Variants in ADAMTSL3 observed in about 807,000 individuals in gnomAD.
The protein encoded by ADAMTSL3 is ADAMTS like 3, also known as ADAMTS-like protein 3.
Under a neutral mutation model 201.7 loss-of-function variants are expected in ADAMTSL3, and 128 were observed. That is an observed-to-expected ratio of 0.63 (90% CI 0.55 to 0.73). The LOEUF (loss-of-function observed/expected upper bound fraction) is 0.73, where lower values mean the gene tolerates loss of function less well. Ranked by LOEUF, ADAMTSL3 falls within the 30% of genes least tolerant of loss-of-function variation. ADAMTSL3 has a pLI of 0.00. For missense variants in ADAMTSL3, 1,990 were observed against 2,119.6 expected (o/e 0.94, Z 1.20); for synonymous variants, 738 against 748.4 (o/e 0.99, Z 0.23).
At chr15:83,747,965 G>A (rs2062574965) in intron 3 of ADAMTSL3, among the ~76,000 whole-genome samples, 1 of 151,626 alleles carries the variant, frequency 6.6e-6, no homozygotes, top group African/African-American at 2.4e-5. Flanking sequence ...GTGTCTGCTT[G>A]GCGTCTCCTG....
intron 4 of ADAMTSL3, among the ~76,000 whole-genome samples, chr15:83,777,993 G>C (rs537041432): frequency 6.6e-6 from 1 of 152,272 alleles, no homozygotes; most frequent in Admixed American, 6.5e-5. Flanking sequence ...ATTAATAGCA[G>C]AATAGACCAA....
chr15:83,942,965 G>A lies in ADAMTSL3; in HGVS notation c.2373G>A (p.Thr791=), dbSNP rs773737016. The A allele has an allele frequency of 6.3e-5, 101 of 1,613,894 alleles. 1 individual carries two copies. Among genetic ancestry groups the A allele is most frequent in the Middle Eastern group, 1.6e-4 (1 of 6,078 alleles). ...GAGTCACCTGTCGGCAGCTGCTAAC[G>A]GATGGCAGCTTTTTGAATCTCTCAG... ...NRRVTCRQLL[T]DGSFLNLSDE... The change falls in exon 19 of 30, where the codon ACG becomes ACA. Residue 791 remains threonine, a synonymous_variant. Coordinates refer to ENST00000286744, the MANE Select transcript of ADAMTSL3 (RefSeq NM_207517.3).
At chr15:83,828,785 A>G (rs1271215406) in intron 6 of ADAMTSL3, among the ~76,000 whole-genome samples, 12 of 152,150 alleles carry the variant, frequency 7.9e-5, no homozygotes, top group Non-Finnish European at 1.8e-4. Flanking sequence ...TGAGATAATC[A>G]TATGGTTTTT....
At chr15:83,966,730 A>G (rs181142256) in intron 19 of ADAMTSL3, among the ~76,000 whole-genome samples, 1 of 152,336 alleles carries the variant, frequency 6.6e-6, no homozygotes, top group Admixed American at 6.5e-5. Context: ...CAACAAAAAA[A>G]AAGAAAATTT....
intron 2 of ADAMTSL3, among the ~76,000 whole-genome samples, chr15:83,692,420 T>G (rs541001692): frequency 6.6e-6 from 1 of 152,148 alleles, no homozygotes; most frequent in South Asian, 2.1e-4. Context: ...GCACGGTGGC[T>G]CACACCTATA....
At position 83,752,360 on chromosome 15, in the gene ADAMTSL3, A is replaced by T. The variant is rs562250886; in HGVS notation, c.190-21163A>T. On this transcript the variant is annotated intron_variant, in intron 3 of 29. Transcript: ENST00000286744. ...GATTTTGAAAGTTTGAATTCTATTTAAAAAAATCCCATACTGGATATTACT... is the reference window on the plus strand; with the variant it reads ...GATTTTGAAAGTTTGAATTCTATTTTAAAAAATCCCATACTGGATATTACT... 1.1e-4 allele frequency among the ~76,000 whole-genome samples: 17 copies of T among 150,008 alleles called. No homozygotes were observed. In the South Asian group the frequency reaches 1.7e-3, roughly 15 times the overall value.
intron 16 of ADAMTSL3, among the ~76,000 whole-genome samples, chr15:83,922,615 A>G (rs971836482): frequency 3.3e-5 from 5 of 152,240 alleles, no homozygotes; most frequent in African/African-American, 1.2e-4. Flanking sequence ...ACGTTAGCCA[A>G]TGTTTATTTT....
chr15:83,725,849 T>G (rs2062166922), intron 3 of ADAMTSL3, among the ~76,000 whole-genome samples: 1 of 152,164 alleles, frequency 6.6e-6, no homozygotes, highest in Admixed American at 6.6e-5. Flanking sequence ...TTTCTTATTT[T>G]TGGTCAGGAT....
intron 2 of ADAMTSL3, among the ~76,000 whole-genome samples, chr15:83,681,695 C>G (rs2061478009): frequency 6.6e-6 from 1 of 152,180 alleles, no homozygotes; most frequent in Non-Finnish European, 1.5e-5. Context: ...TAACTACAGA[C>G]TCACATTGGA....
At chr15:83,987,404 T>C (rs1402596825) in intron 21 of ADAMTSL3, among the ~76,000 whole-genome samples, 3 of 152,252 alleles carry the variant, frequency 2.0e-5, no homozygotes, top group Admixed American at 2.0e-4. Flanking sequence ...GAACTTGCTA[T>C]ATAAAAGTCT....
At position 83,984,499 on chromosome 15, in the gene ADAMTSL3, C is replaced by T. The variant is rs1036739738; in HGVS notation, c.3716+1155C>T. On this transcript the variant is annotated intron_variant, in intron 21 of 29. Coordinates refer to ENST00000286744, the MANE Select transcript of ADAMTSL3 (RefSeq NM_207517.3). ...ATGAAATTTTAGAAGTAGAATAAAC[C>T]TTAAAACATAGCAGTTCTCAGAGCT... 4.6e-5 allele frequency among the ~76,000 whole-genome samples: 7 copies of T among 152,008 alleles called. No individual in the cohort carries two copies. The South Asian group carries it at 1.4e-3, about 31-fold the overall frequency.
intron 4 of ADAMTSL3, among the ~76,000 whole-genome samples, chr15:83,789,209 A>C (rs964603365): frequency 1.3e-5 from 2 of 152,152 alleles, no homozygotes; most frequent in Non-Finnish European, 2.9e-5. Context: ...AGATTTATCT[A>C]AATTTATTTT....
Position 84,036,734 on chromosome 15 carries a change from A to G in ADAMTSL3, c.4755-39A>G, listed in dbSNP as rs1567317518. 8 of 1,550,890 alleles carry G rather than the reference A, an allele frequency of 5.2e-6. No individual in the cohort carries two copies. The South Asian group carries it at 9.4e-5, about 18-fold the overall frequency. On this transcript the variant is annotated intron_variant, in intron 28 of 29. Coordinates refer to ENST00000286744, the MANE Select transcript of ADAMTSL3 (RefSeq NM_207517.3). The stretch of plus-strand genomic sequence containing the variant: ...CAAAAAGTTACACCCTGCCTCTCCT[A>G]TTTTTTGTTTTTCCGTTTTGTTTTA...
Position 83,654,738 on chromosome 15 carries a change from T to C in ADAMTSL3, c.-34+462T>C, listed in dbSNP as rs1245897095. On this transcript the variant is annotated intron_variant, in intron 1 of 29. Coordinates refer to ENST00000286744, the MANE Select transcript of ADAMTSL3 (RefSeq NM_207517.3). This position sits in a 1 kb window ranked among gnomAD's most constrained non-coding sequence, Gnocchi z 5.3. ...GCGGCGGAGGCACTGGAGGAGCGACTTCGAGGCAGCGGGTAGTCGGAGGAG... is the reference window on the plus strand; with the variant it reads ...GCGGCGGAGGCACTGGAGGAGCGACCTCGAGGCAGCGGGTAGTCGGAGGAG... Among the ~76,000 whole-genome samples, 1 of 152,032 alleles carries C rather than the reference T, an allele frequency of 6.6e-6. No individual in the cohort carries two copies. The highest frequency in any genetic ancestry group is 1.5e-5 in the Non-Finnish European group (1 of 68,000).
At chr15:83,697,287 C>G (rs1298851038) in intron 2 of ADAMTSL3, among the ~76,000 whole-genome samples, 1 of 152,144 alleles carries the variant, frequency 6.6e-6, no homozygotes, top group Non-Finnish European at 1.5e-5. Flanking sequence ...TTCCACTCAA[C>G]ACAGCACTTG....
chr15:83,990,932 T>C (rs940330920), intron 22 of ADAMTSL3, among the ~76,000 whole-genome samples, 154 bp from the exon 23 acceptor site: 2 of 152,176 alleles, frequency 1.3e-5, no homozygotes, highest in African/African-American at 4.8e-5. Context: ...GGTATGTATG[T>C]GCACATCCCC....
chr15:83,941,298 A>G (rs2066555424), intron 17 of ADAMTSL3, among the ~76,000 whole-genome samples: 1 of 151,948 alleles, frequency 6.6e-6, no homozygotes, highest in Non-Finnish European at 1.5e-5. Context: ...AGAAAATTAG[A>G]AAAGAGAAAA....
intron 17 of ADAMTSL3, among the ~76,000 whole-genome samples, chr15:83,928,529 T>C (rs1214716811): frequency 1.3e-5 from 2 of 152,122 alleles, no homozygotes; most frequent in South Asian, 2.1e-4. Context: ...CAAATGAGAA[T>C]GATTTGCATA....
chr15:83,677,543 G>T (rs888749195), intron 2 of ADAMTSL3, among the ~76,000 whole-genome samples: 1 of 150,316 alleles, frequency 6.7e-6, no homozygotes, highest in Non-Finnish European at 1.5e-5. Context: ...TTACTCTGAG[G>T]TTTACTTTAT....
Sources: allele counts gnomAD v4.1 joint callset (sites outside exome capture counted in the v4.1 genomes callset), GRCh38; gene constraint gnomAD v4.1.1; non-coding constraint Gnocchi (gnomAD v3.1); transcripts MANE v1.5; gene names NCBI Gene and HGNC (gene_info 2026-07-23, HGNC 2026-07-21).